Variants in SYNJ2 observed in about 807,000 individuals in gnomAD.
SYNJ2 encodes the protein synaptojanin 2.
Under a neutral mutation model 141.3 loss-of-function variants are expected in SYNJ2, and 116 were observed. That is an observed-to-expected ratio of 0.82 (90% CI 0.71 to 0.96). SYNJ2 has a LOEUF of 0.96. SYNJ2 is among the 40% of genes least tolerant of loss of function. The probability of loss-of-function intolerance (pLI) is 0.00; values close to 1 mark genes in which losing one functional copy is unlikely to be tolerated. For synonymous variants in SYNJ2, 745 were observed against 777.7 expected (o/e 0.96, Z 0.70); for missense variants, 1,873 against 1,934.8 (o/e 0.97, Z 0.60).
At chr6:157,991,393 G>A (rs1022794189) in intron 1 of SYNJ2, among the ~76,000 whole-genome samples, 75 of 152,270 alleles carry the variant, frequency 4.9e-4, no homozygotes, top group South Asian at 1.2e-3. Context: ...AGAGCCTGCC[G>A]TTCTAACAAG....
At chr6:158,082,144 C>G (rs376603735) in intron 20 of SYNJ2, among the ~76,000 whole-genome samples, 1 of 152,104 alleles carries the variant, frequency 6.6e-6, no homozygotes, top group Admixed American at 6.5e-5. Flanking sequence ...GTCAGGAGAT[C>G]GAGACCAGCC....
chr6:158,052,281 C>G (rs1378499392), intron 5 of SYNJ2, among the ~76,000 whole-genome samples: 1 of 152,220 alleles, frequency 6.6e-6, no homozygotes, highest in African/African-American at 2.4e-5. Context: ...GAGGGAACTC[C>G]CATATGTCCT....
At chr6:157,995,127 A>G (rs1429942208) in intron 1 of SYNJ2, among the ~76,000 whole-genome samples, 1 of 152,242 alleles carries the variant, frequency 6.6e-6, no homozygotes, top group Non-Finnish European at 1.5e-5. Flanking sequence ...AACATAAAGC[A>G]AGTTATGTTC....
intron 25 of SYNJ2, among the ~76,000 whole-genome samples, chr6:158,091,442 T>TAA (rs933160748): frequency 6.9e-6 from 1 of 144,566 alleles, no homozygotes; most frequent in Admixed American, 6.9e-5. Flanking sequence ...GTTCAGCCAT[T>TAA]AAAAAAAAAA....
intron 15 of SYNJ2, among the ~76,000 whole-genome samples, chr6:158,072,320 G>A (rs929879468): frequency 6.6e-6 from 1 of 152,208 alleles, no homozygotes; most frequent in Non-Finnish European, 1.5e-5. Context: ...CTGCAATAGC[G>A]AACCGCACAC....
At chr6:158,042,035 C>T (rs1779976782) in intron 4 of SYNJ2, among the ~76,000 whole-genome samples, 1 of 152,334 alleles carries the variant, frequency 6.6e-6, no homozygotes, top group African/African-American at 2.4e-5. Flanking sequence ...TAAACATTGT[C>T]TTTATATACA....
At position 158,059,333 on chromosome 6, in the gene SYNJ2, G is replaced by T; in HGVS notation, c.934G>T (p.Val312Leu). Reference sequence around the variant, plus strand: ...TCTGGGAAGCAGAGGCGGAGAGGAGGTGCTCAACAGAGCCTTCAAGGTAAG... The same window carrying T: ...TCTGGGAAGCAGAGGCGGAGAGGAGTTGCTCAACAGAGCCTTCAAGGTAAG... ...NLLGSRGGEE[V>L]LNRAFKKLLW... Residue 312 changes from valine (V) to leucine (L), a missense_variant, in exon 7 of 27, where the codon GTG becomes TTG. Val to Leu is a conservative substitution (Grantham distance 32). Transcript: ENST00000355585. 1 of 1,550,600 alleles carries T rather than the reference G, an allele frequency of 6.4e-7. No individual in the cohort carries two copies. The highest frequency in any genetic ancestry group is 8.7e-7 in the Non-Finnish European group (1 of 1,146,830).
intron 2 of SYNJ2, among the ~76,000 whole-genome samples, chr6:158,024,702 G>T (rs1778947487): frequency 6.6e-6 from 1 of 152,190 alleles, no homozygotes; most frequent in African/African-American, 2.4e-5. Context: ...GGGCTGATGG[G>T]GTGATCAGAA....
In SYNJ2 at chr6:158,070,466, T is replaced by A; in HGVS notation, c.1940+793T>A. ...TAGGTCCCTGTCCCTCTGCTTGTGT[T>A]ATTTGGGCAGCTTGGCAGTGTCCTA... On this transcript the variant is annotated intron_variant, in intron 14 of 26. Coordinates refer to ENST00000355585, the MANE Select transcript of SYNJ2 (RefSeq NM_003898.4). The surrounding 1 kb of genome is among the most constrained non-coding windows in gnomAD (Gnocchi z 4.0). 1.0e-6 allele frequency: 1 copy of A among 985,496 alleles called. No homozygotes were observed. Among genetic ancestry groups the A allele is most frequent in the Non-Finnish European group, 1.2e-6 (1 of 830,016 alleles). The allele number at this position is 985,496 out of a possible 1,614,324, so 61.0% of individuals were successfully genotyped here. A position where few individuals can be genotyped will look rare whatever the true frequency, so the allele number is the denominator to read the frequency against.
intron 6 of SYNJ2, among the ~76,000 whole-genome samples, chr6:158,057,880 GCCCGC>G (rs1034637614): frequency 1.3e-5 from 2 of 152,224 alleles, no homozygotes; most frequent in African/African-American, 4.8e-5. Flanking sequence ...GCCACACACA[GCCCGC>G]CCCAGGGCTG....
rs765993672 is a variant in SYNJ2, at chr6:158,095,761, A to G, written c.3888A>G (p.Lys1296=). Residue 1296 remains lysine, a synonymous_variant, in exon 27 of 27, where the codon AAA becomes AAG. Transcript: ENST00000355585. ...VPKPRTFQPG[K]AAERPSHRKP... is the part of the protein sequence containing the mutation. ...AACCAAGAACATTTCAGCCTGGGAA[A>G]GCTGCAGAGAGGCCAAGCCACAGGA... 1.1e-5 allele frequency: 18 copies of G among 1,614,124 alleles called. No homozygotes were observed. The highest frequency in any genetic ancestry group is 2.2e-5 in the East Asian group (1 of 44,880).
intron 5 of SYNJ2, among the ~76,000 whole-genome samples, chr6:158,046,986 G>A (rs893173866): frequency 2.0e-5 from 3 of 152,132 alleles, no homozygotes; most frequent in African/African-American, 7.2e-5. Context: ...GGAGGAGGAT[G>A]CCGAGTAGAG....
At chr6:158,074,211 C>G (rs568416611) in intron 15 of SYNJ2, among the ~76,000 whole-genome samples, 4 of 152,300 alleles carry the variant, frequency 2.6e-5, no homozygotes, top group African/African-American at 9.6e-5. Flanking sequence ...AAACCTCATT[C>G]TCCTAACGCT....
intron 7 of SYNJ2, among the ~76,000 whole-genome samples, chr6:158,061,473 G>A (rs1484219716): frequency 2.0e-5 from 3 of 152,174 alleles, no homozygotes; most frequent in East Asian, 1.9e-4. Flanking sequence ...AAGTAGCATC[G>A]GGATGTGGGA....
At position 158,070,337 on chromosome 6, in the gene SYNJ2, G is replaced by A. The variant is rs1281535513; in HGVS notation, c.1940+664G>A. 64 of 985,420 alleles carry A rather than the reference G, an allele frequency of 6.5e-5. No homozygotes were observed. The highest frequency in any genetic ancestry group is 7.7e-5 in the Non-Finnish European group (64 of 830,056). 61.0% of individuals were successfully genotyped at this position (985,420 alleles called of 1,614,324 possible). ...TCCCCACTGAGCCCCTGGGTCCCGG[G>A]AAGGGCCTGTGCCTGCCAAGAGCAC... On this transcript the variant is annotated intron_variant, in intron 14 of 26. Transcript: ENST00000355585. The surrounding 1 kb of genome is among the most constrained non-coding windows in gnomAD (Gnocchi z 4.0).
At chr6:158,068,862 ATC>A in intron 13 of SYNJ2, 134 bp downstream of exon 13, 1 of 881,204 alleles carries the variant, frequency 1.1e-6, no homozygotes, top group Non-Finnish European at 1.8e-6. Context: ...CTGTGTGGGG[ATC>A]TCTCACCTGG....
intron 21 of SYNJ2, 78 bp downstream of exon 21, chr6:158,083,675 G>T: frequency 1.9e-6 from 3 of 1,577,084 alleles, no homozygotes. Flanking sequence ...ACCTTCTAAA[G>T]CCTCCCTTGC....
In SYNJ2 at chr6:158,055,037, T is replaced by G. The variant is rs1416983113; in HGVS notation, c.857+9T>G. 1 of 1,613,412 alleles carries G rather than the reference T, an allele frequency of 6.2e-7. No individual in the cohort carries two copies. The highest frequency in any genetic ancestry group is 8.5e-7 in the Non-Finnish European group (1 of 1,179,902). ...GCCCCTGCTTTCGACAGGTAGGGAT[T>G]GTCTGACACCATCCAAGCCTGTCAT... On this transcript the variant is annotated intron_variant, in intron 6 of 26. Transcript: ENST00000355585.
intron 24 of SYNJ2, among the ~76,000 whole-genome samples, chr6:158,089,272 G>A (rs1042939531): frequency 6.6e-6 from 1 of 152,130 alleles, no homozygotes; most frequent in Non-Finnish European, 1.5e-5. Context: ...CTGGGGAAGA[G>A]AGCAGGTGAA....
Sources: allele counts gnomAD v4.1 joint callset (sites outside exome capture counted in the v4.1 genomes callset), GRCh38; gene constraint gnomAD v4.1.1; non-coding constraint Gnocchi (gnomAD v3.1); transcripts MANE v1.5; gene names NCBI Gene and HGNC (gene_info 2026-07-23, HGNC 2026-07-21).